The following PIK3C2A variants were observed in gnomAD, a reference collection of about 807,000 sequenced individuals.
PIK3C2A encodes phosphatidylinositol 4-phosphate 3-kinase C2 domain-containing subunit alpha.
A neutral mutation model predicts 204.5 loss-of-function variants in PIK3C2A; 97 were observed. That is an observed-to-expected ratio of 0.47 (90% confidence interval 0.40 to 0.56). The LOEUF (loss-of-function observed/expected upper bound fraction) is 0.56. Among genes scored for constraint, PIK3C2A ranks in the 20% least tolerant of loss-of-function variants. PIK3C2A has a pLI of 0.00. For synonymous variants in PIK3C2A, 653 were observed against 664.4 expected, an observed-to-expected ratio of 0.98 and a Z score of 0.26; for missense variants, 1,735 against 1,969.2, an observed-to-expected ratio of 0.88 and a Z score of 2.25.
At chr11:17,149,343 A>T (rs1039442643) in intron 4 of PIK3C2A, among the ~76,000 whole-genome samples, 4 of 152,110 alleles carry the variant, frequency 2.6e-5, no homozygotes, top group Non-Finnish European at 5.9e-5. Context: ...CAAGTTAAAA[A>T]TTTAAAAATT....
At chr11:17,150,412 G>A in intron 4 of PIK3C2A, 86 bp downstream of exon 4, 3 of 1,226,892 alleles carry the variant, frequency 2.4e-6, no homozygotes, top group South Asian at 3.8e-5. Context: ...AACAAAATTG[G>A]TTTATTAAAA....
At position 17,134,838 on chromosome 11, in the gene PIK3C2A, A is replaced by G. The variant is rs1185898698; in HGVS notation, c.2089T>C (p.Ser697Pro). The stretch of plus-strand genomic sequence containing the variant: ...ACTTACTTTGATACCCAATTACTTG[A>G]AATTCCATGAGCAGCAAAAATAGTA... ...QFTIFAAHGI[S>P]SNWVSNYEKY... The change falls in exon 11 of 33, where the codon TCA (serine) becomes CCA (proline). Residue 697 changes from serine (S) to proline (P), a missense_variant. By Grantham distance (74) the Ser-to-Pro change is moderately conservative (BLOSUM62 -1). This residue lies in a region of PIK3C2A where 567 missense variants were observed against 576.0 expected (regional missense o/e 0.98). Coordinates refer to ENST00000691414, the MANE Select transcript of PIK3C2A (RefSeq NM_002645.4). The G allele has an allele frequency of 6.2e-7, 1 of 1,613,774 alleles. No homozygotes were observed. Among genetic ancestry groups the G allele is most frequent in the South Asian group, 1.1e-5 (1 of 91,068 alleles).
At chr11:17,107,465 T>G (rs1848862489) in intron 22 of PIK3C2A, among the ~76,000 whole-genome samples, 1 of 152,182 alleles carries the variant, frequency 6.6e-6, no homozygotes, top group Admixed American at 6.5e-5. Context: ...TATTTCTGTG[T>G]TTGAAAAGAA....
intron 2 of PIK3C2A, among the ~76,000 whole-genome samples, chr11:17,161,951 T>C (rs1427418661): frequency 6.6e-6 from 1 of 152,180 alleles, no homozygotes. Context: ...TCTCCCTATT[T>C]TGGTCTACAT....
At chr11:17,135,923 G>A (rs1348463019) in intron 9 of PIK3C2A, among the ~76,000 whole-genome samples, 1 of 151,992 alleles carries the variant, frequency 6.6e-6, no homozygotes, top group Non-Finnish European at 1.5e-5. Flanking sequence ...TGCAATTAAA[G>A]ATATAAATGT....
intron 22 of PIK3C2A, 72 bp downstream of exon 22, chr11:17,110,360 T>C: frequency 8.7e-7 from 1 of 1,143,442 alleles, no homozygotes; most frequent in Non-Finnish European, 1.3e-6. Context: ...CATCAGGATG[T>C]TTACGGCAGG....
intron 8 of PIK3C2A, 51 bp from the exon 9 acceptor site, chr11:17,136,676 C>G: frequency 9.6e-7 from 1 of 1,039,924 alleles, no homozygotes; most frequent in South Asian, 1.5e-5. Context: ...TTTAAAGGAC[C>G]AATTCCAGAG....
At position 17,169,780 on chromosome 11, in the gene PIK3C2A, T is replaced by G; in HGVS notation, c.-39A>C. Reference sequence around the variant, plus strand: ...ACCAAACCTTCCTTCCTCTATTTTTTTCTTGTAGCTTCCAAAATAGCAAGG... The same window carrying G: ...ACCAAACCTTCCTTCCTCTATTTTTGTCTTGTAGCTTCCAAAATAGCAAGG... On this transcript the variant is annotated 5_prime_UTR_variant, in exon 2 of 33. Coordinates refer to ENST00000691414, the MANE Select transcript of PIK3C2A (RefSeq NM_002645.4). 7.2e-7 allele frequency: 1 copy of G among 1,387,804 alleles called. No individual in the cohort carries two copies. Among genetic ancestry groups the G allele is most frequent in the Non-Finnish European group, 9.8e-7 (1 of 1,023,716 alleles). 86.0% of individuals were successfully genotyped at this position (1,387,804 alleles called of 1,614,324 possible).
In PIK3C2A at chr11:17,191,370, T is replaced by C. The variant is rs75715561; in HGVS notation, c.-66+16478A>G. ...AATCTAGAGACTGAGCTCAACTATG[T>C]GGGCAATCCATCAATCAAACATGCC... On this transcript the variant is annotated intron_variant, in intron 1 of 32. Coordinates refer to ENST00000691414, the MANE Select transcript of PIK3C2A (RefSeq NM_002645.4). Among the ~76,000 whole-genome samples, 34 of 152,320 alleles carry C rather than the reference T, an allele frequency of 2.2e-4. No homozygotes were observed. In the East Asian group the frequency reaches 6.6e-3, roughly 29 times the overall value.
At chr11:17,120,036 T>C in intron 15 of PIK3C2A, 62 bp from the exon 16 acceptor site, 1 of 678,372 alleles carries the variant, frequency 1.5e-6, no homozygotes, top group Non-Finnish European at 2.3e-6. Flanking sequence ...ATCTCAATGA[T>C]TAAAAATACA....
intron 27 of PIK3C2A, 148 bp from the exon 28 acceptor site, chr11:17,094,533 G>A: frequency 1.8e-6 from 1 of 561,492 alleles, no homozygotes; most frequent in Non-Finnish European, 3.2e-6. Flanking sequence ...AGACCAGCCT[G>A]GGCAACATAG....
intron 1 of PIK3C2A, among the ~76,000 whole-genome samples, chr11:17,190,204 A>C (rs1251137997): frequency 6.6e-6 from 1 of 152,066 alleles, no homozygotes; most frequent in African/African-American, 2.4e-5. Flanking sequence ...CAGAGGTTGC[A>C]GTGAGCCGAG....
At chr11:17,093,306 G>A (rs1240233524) in intron 28 of PIK3C2A, among the ~76,000 whole-genome samples, 1 of 152,200 alleles carries the variant, frequency 6.6e-6, no homozygotes, top group Non-Finnish European at 1.5e-5. Flanking sequence ...TCGCTCTGTT[G>A]CCCAGGCTGG....
At chr11:17,146,431 G>C (rs1489698772) in intron 6 of PIK3C2A, among the ~76,000 whole-genome samples, 2 of 152,038 alleles carry the variant, frequency 1.3e-5, no homozygotes, top group Admixed American at 6.6e-5. Context: ...CATCATTCCT[G>C]ACAGGGCGCG....
chr11:17,179,202 C>T (rs931066548), intron 1 of PIK3C2A, among the ~76,000 whole-genome samples: 1 of 152,218 alleles, frequency 6.6e-6, no homozygotes, highest in Non-Finnish European at 1.5e-5. Context: ...AGCTCTGTTG[C>T]GCAGGCTGAA....
At chr11:17,146,435 G>A (rs982752680) in intron 6 of PIK3C2A, among the ~76,000 whole-genome samples, 4 of 151,836 alleles carry the variant, frequency 2.6e-5, no homozygotes, top group African/African-American at 9.7e-5. Flanking sequence ...ATTCCTGACA[G>A]GGCGCGGTGG....
At chr11:17,110,730 T>TAAAAACA (rs1391532198) in intron 21 of PIK3C2A, among the ~76,000 whole-genome samples, 169 bp from the exon 22 acceptor site, 1 of 151,990 alleles carries the variant, frequency 6.6e-6, no homozygotes, top group Non-Finnish European at 1.5e-5. Flanking sequence ...CCGCCTCTAC[T>TAAAAACA]AAAAACACAA....
intron 2 of PIK3C2A, among the ~76,000 whole-genome samples, chr11:17,161,015 GA>G (rs1291045007): frequency 6.6e-6 from 1 of 151,764 alleles, no homozygotes; most frequent in African/African-American, 2.4e-5. Flanking sequence ...CAATTTAAAA[GA>G]AAAAAAATGG....
chr11:17,129,933 G>A, intron 12 of PIK3C2A, among the ~76,000 whole-genome samples: 1 of 152,124 alleles, frequency 6.6e-6, no homozygotes, highest in East Asian at 1.9e-4. Flanking sequence ...TAGAAGTCTG[G>A]CTAACTTGTC....
Sources: gnomAD v4.1 joint callset for allele counts (sites outside exome capture counted in the v4.1 genomes callset) on GRCh38, gnomAD v4.1.1 for gene constraint, gnomAD v4.1.1 regional missense constraint, MANE v1.5 for transcripts, NCBI Gene and HGNC (gene_info 2026-07-23, HGNC 2026-07-21) for gene names.